COL4A6: variants seen among roughly 807,000 people sequenced by gnomAD.
COL4A6 encodes the protein collagen type IV alpha 6 chain.
In COL4A6, 59 loss-of-function variants were observed where a neutral mutation model predicts 126.7. That is an observed-to-expected ratio of 0.47 (90% CI 0.38 to 0.58). The LOEUF is 0.58. Ranked by LOEUF, COL4A6 falls within the 20% of genes least tolerant of loss-of-function variation. The pLI is 0.00. For synonymous variants in COL4A6, 547 were observed against 496.6 expected, an observed-to-expected ratio of 1.10 and a Z score of -1.35; for missense variants, 1,285 against 1,337.3, an observed-to-expected ratio of 0.96 and a Z score of 0.61.
At chrX:108,420,368 G>A (rs1367565358) in intron 2 of COL4A6, among the ~76,000 whole-genome samples, 1 of 111,505 alleles carries the variant, frequency 9.0e-6, no homozygotes, top group African/African-American at 3.3e-5. Context: ...TGTCCCCCAG[G>A]TGACTCATTA....
chrX:108,201,496 CTGA>C (rs766018154), intron 13 of COL4A6, among the ~76,000 whole-genome samples: 6 of 111,685 alleles, frequency 5.4e-5, no homozygotes, highest in South Asian at 3.8e-4. Flanking sequence ...TCACAAATTA[CTGA>C]TGATGATATT....
intron 2 of COL4A6, among the ~76,000 whole-genome samples, chrX:108,343,134 AATAT>A (rs555568295): frequency 0.065 from 3,551 of 54,943 alleles, 191 homozygotes; most frequent in East Asian, 0.22. Context: ...GATTAATGGG[AATAT>A]ATATATATAT....
At chrX:108,378,331 C>T (rs1442187385) in intron 2 of COL4A6, among the ~76,000 whole-genome samples, 11 of 111,405 alleles carry the variant, frequency 9.9e-5, no homozygotes, top group East Asian at 2.8e-4. Context: ...TATGTTAATA[C>T]GCACTGTGAA....
chrX:108,260,684 A>C (rs146448860), intron 3 of COL4A6, among the ~76,000 whole-genome samples: 3,256 of 110,781 alleles, frequency 0.029, 117 homozygotes, highest in African/African-American at 0.1. Context: ...CTTTATCAGC[A>C]GCATGAAAAT....
intron 2 of COL4A6, among the ~76,000 whole-genome samples, 199 bp downstream of exon 2, chrX:108,437,743 A>G (rs774873309): frequency 9.0e-6 from 1 of 111,567 alleles, no homozygotes; most frequent in African/African-American, 3.3e-5. Context: ...GTTTTGGAAG[A>G]TATCTTGGTC....
rs754093112 is a variant in COL4A6, at chrX:108,344,613, TCAA to T, written c.64-33788_64-33786del. 4.4e-3 allele frequency among the ~76,000 whole-genome samples: 496 copies of T among 112,108 alleles called. 2 individuals are homozygous for T. Among genetic ancestry groups the T allele is most frequent in the Non-Finnish European group, 7.0e-3 (373 of 53,193 alleles). On this transcript the variant is annotated intron_variant, in intron 2 of 44. Coordinates refer to ENST00000334504, the MANE Select transcript of COL4A6 (RefSeq NM_033641.4). ...AAGTCACATATTAAAAGCCATAGTA[TCAA>T]CAATTCATTTCCAATGAGTGATTAT...
intron 23 of COL4A6, chrX:108,183,659 A>T (rs903784485): frequency 1.4e-5 from 11 of 779,590 alleles, no homozygotes; most frequent in Non-Finnish European, 1.8e-5. Context: ...ACAAAGGTAA[A>T]CAAAAAAGGG....
In COL4A6 at chrX:108,164,872, C is replaced by A. The variant is rs770726601; in HGVS notation, c.3970+5G>T. 5.8e-6 allele frequency: 7 copies of A among 1,198,663 alleles called. No individual in the cohort carries two copies. Among genetic ancestry groups the A allele is most frequent in the Non-Finnish European group, 7.9e-6 (7 of 887,802 alleles). On this transcript the variant is annotated splice_donor_5th_base_variant and intron_variant, in intron 39 of 44. Coordinates refer to ENST00000334504, the MANE Select transcript of COL4A6 (RefSeq NM_033641.4). Reference sequence around the variant, plus strand: ...AGGGCCCAGCAGCCAGCCGAGCAGCCGTACCTTTCAGTCCTAGCTCTCCAG... The same window carrying A: ...AGGGCCCAGCAGCCAGCCGAGCAGCAGTACCTTTCAGTCCTAGCTCTCCAG...
intron 4 of COL4A6, 31 bp downstream of exon 4, chrX:108,221,209 T>G: frequency 8.3e-7 from 1 of 1,209,336 alleles, no homozygotes; most frequent in Non-Finnish European, 1.1e-6. Context: ...GGCCCATGCA[T>G]CAAAGAGAAA....
chrX:108,356,884 A>G (rs2039973225), intron 2 of COL4A6, among the ~76,000 whole-genome samples: 1 of 109,097 alleles, frequency 9.2e-6, no homozygotes, highest in African/African-American at 3.5e-5. Flanking sequence ...TAATAAGAGC[A>G]GAAGAAGCAC....
At position 108,161,616 on chromosome X, in the gene COL4A6, G is replaced by T; in HGVS notation, c.4333+3C>A. The T allele has an allele frequency of 1.4e-6, 1 of 729,653 alleles. No individual in the cohort carries two copies. Among genetic ancestry groups the T allele is most frequent in the Non-Finnish European group, 1.9e-6 (1 of 525,141 alleles). 60.1% of individuals were successfully genotyped at this position (729,653 alleles called of 1,213,427 possible). On this transcript the variant is annotated splice_donor_region_variant and intron_variant, in intron 42 of 44. Transcript: ENST00000334504. The stretch of plus-strand genomic sequence containing the variant: ...CCCGCCTCCTAATGTGGCATCATCA[G>T]ACCTTCAAATCCTGGAGGGCCTTGC...
chrX:108,418,434 T>A (rs1007598186), intron 2 of COL4A6, among the ~76,000 whole-genome samples: 10 of 111,916 alleles, frequency 8.9e-5, no homozygotes, highest in African/African-American at 2.9e-4. Context: ...AGTTGATAAC[T>A]GTTGAAGCTC....
chrX:108,292,237 C>T (rs1380136433), intron 3 of COL4A6, among the ~76,000 whole-genome samples: 1 of 112,244 alleles, frequency 8.9e-6, no homozygotes, highest in East Asian at 2.8e-4. Context: ...ACTTATACCA[C>T]CATTGTCTCC....
rs1449860149 is a variant in COL4A6, at chrX:108,387,896, A to T, written c.63+50046T>A. 2.7e-5 allele frequency among the ~76,000 whole-genome samples: 3 copies of T among 111,762 alleles called. No individual in the cohort carries two copies. The East Asian group carries it at 8.4e-4, about 31-fold the overall frequency. On this transcript the variant is annotated intron_variant, in intron 2 of 44. Transcript: ENST00000334504. ...CTATTTTGAGATAGTTTCCATCAAT[A>T]CTTAGTTCATTGAGAGTTTTTAGCG...
rs747645350 is a variant in COL4A6 at position 108,161,590 on chromosome X, G to A, written c.4333+29C>T. 1.6e-4 allele frequency: 40 copies of A among 247,687 alleles called. 2 individuals are homozygous for A. Among genetic ancestry groups the A allele is most frequent in the South Asian group, 2.9e-4 (5 of 17,528 alleles). 20.4% of individuals were successfully genotyped at this position (247,687 alleles called of 1,213,427 possible). A position where few individuals can be genotyped will look rare whatever the true frequency, so the allele number is the denominator to read the frequency against. ...CCTCCCAGACCACCATCCCCGCCCC[G>A]CCCGCCTCCTAATGTGGCATCATCA... On this transcript the variant is annotated intron_variant, in intron 42 of 44. Coordinates refer to ENST00000334504, the MANE Select transcript of COL4A6 (RefSeq NM_033641.4).
intron 2 of COL4A6, among the ~76,000 whole-genome samples, chrX:108,420,665 T>C (rs1295449208): frequency 2.7e-5 from 3 of 111,742 alleles, no homozygotes; most frequent in African/African-American, 9.8e-5. Context: ...CATCTAATAG[T>C]GGACATGAAA....
At chrX:108,319,564 A>G (rs1014453941) in intron 2 of COL4A6, among the ~76,000 whole-genome samples, 13 of 112,000 alleles carry the variant, frequency 1.2e-4, no homozygotes, top group African/African-American at 4.2e-4. Context: ...AAGGAGGAAA[A>G]AAAGTGATAA....
intron 27 of COL4A6, among the ~76,000 whole-genome samples, chrX:108,177,519 G>C (rs2034536753): frequency 9.0e-6 from 1 of 111,546 alleles, no homozygotes; most frequent in African/African-American, 3.3e-5. Flanking sequence ...AAGTCAGCCA[G>C]TTCCTTGGCA....
intron 2 of COL4A6, among the ~76,000 whole-genome samples, chrX:108,408,385 G>A (rs1169350406): frequency 9.0e-6 from 1 of 110,996 alleles, no homozygotes; most frequent in East Asian, 2.8e-4. Context: ...AAGAAAGAAA[G>A]CAAGCTAAGT....
Sources: allele counts gnomAD v4.1 joint callset (sites outside exome capture counted in the v4.1 genomes callset), GRCh38; gene constraint gnomAD v4.1.1; transcripts MANE v1.5; gene names NCBI Gene and HGNC (gene_info 2026-07-23, HGNC 2026-07-21).